Variants in PTPRN2 observed in about 807,000 individuals in gnomAD.
PTPRN2 encodes protein tyrosine phosphatase receptor type N2.
PTPRN2 carries 74 observed loss-of-function variants against 118.8 expected under a neutral mutation model. That is an observed-to-expected ratio of 0.62 (90% CI 0.52 to 0.76). The LOEUF is 0.76. Among genes scored for constraint, PTPRN2 ranks in the 30% least tolerant of loss-of-function variants. The pLI is 0.00. For synonymous variants in PTPRN2, 641 were observed against 608.0 expected, an observed-to-expected ratio of 1.05 and a Z score of -0.80; for missense variants, 1,481 against 1,394.4, an observed-to-expected ratio of 1.06 and a Z score of -0.99.
chr7:157,788,384 A>G (rs2151069507), intron 12 of PTPRN2, among the ~76,000 whole-genome samples: 2 of 151,728 alleles, frequency 1.3e-5, no homozygotes, highest in Admixed American at 1.3e-4. Flanking sequence ...CAAAAAAAAA[A>G]AAAAAAAAGA....
intron 2 of PTPRN2, among the ~76,000 whole-genome samples, chr7:158,382,594 C>A (rs538452584): frequency 1.3e-5 from 2 of 152,174 alleles, no homozygotes; most frequent in African/African-American, 2.4e-5. Context: ...AGCAGGTGTG[C>A]GAGCATTCCC....
chr7:157,868,616 G>A lies in PTPRN2; in HGVS notation c.1788+30057C>T, dbSNP rs180724593. 914 of 152,308 alleles carry A rather than the reference G, an allele frequency of 6.0e-3. 5 individuals are homozygous for A. The highest frequency in any genetic ancestry group is 6.0e-3 in the Non-Finnish European group (409 of 68,030). The allele number at this position is 152,308 out of a possible 1,614,324, so 9.4% of individuals were successfully genotyped here. ...GGTGCAGCCCATTTCCCAGCCTGAGGACTGGCCGGGGAAATAACTCTGAGC... is the reference window on the plus strand; with the variant it reads ...GGTGCAGCCCATTTCCCAGCCTGAGAACTGGCCGGGGAAATAACTCTGAGC... On this transcript the variant is annotated intron_variant, in intron 12 of 22. Transcript: ENST00000389418. The surrounding 1 kb of genome is among the most constrained non-coding windows in gnomAD (Gnocchi z 5.2).
intron 12 of PTPRN2, among the ~76,000 whole-genome samples, chr7:157,699,732 T>C (rs544741983): frequency 6.6e-6 from 1 of 152,268 alleles, no homozygotes; most frequent in East Asian, 1.9e-4. Context: ...CCCTGCCCAG[T>C]TGCTTTTCAT....
intron 2 of PTPRN2, among the ~76,000 whole-genome samples, chr7:158,444,393 G>A (rs1306621263): frequency 6.6e-6 from 1 of 152,264 alleles, no homozygotes; most frequent in Non-Finnish European, 1.5e-5. Context: ...CACGGCCAGT[G>A]TTTGTTTCTC....
At position 157,785,423 on chromosome 7, in the gene PTPRN2, T is replaced by C. The variant is rs73504475; in HGVS notation, c.1789-102486A>G. ...ATGAAAGGGGGTGGTGGAAAAGGCC[T>C]TGGAGCCTGGGGCAGGGCTCAGAGG... On this transcript the variant is annotated intron_variant, in intron 12 of 22. Transcript: ENST00000389418. This position sits in a 1 kb window ranked among gnomAD's most constrained non-coding sequence, Gnocchi z 7.3. Among the ~76,000 whole-genome samples the C allele has an allele frequency of 0.013, 1,984 of 152,250 alleles. 40 individuals are homozygous for C. Among genetic ancestry groups the C allele is most frequent in the African/African-American group, 0.045 (1,857 of 41,560 alleles).
At chr7:158,520,993 C>G (rs1823946522) in intron 1 of PTPRN2, among the ~76,000 whole-genome samples, 1 of 152,192 alleles carries the variant, frequency 6.6e-6, no homozygotes, top group Non-Finnish European at 1.5e-5. Flanking sequence ...GAGATTTCAG[C>G]CACGTCCCTC....
chr7:157,712,121 G>A (rs1040972755), intron 12 of PTPRN2, among the ~76,000 whole-genome samples: 1 of 150,620 alleles, frequency 6.6e-6, no homozygotes, highest in Non-Finnish European at 1.5e-5. Context: ...GTCGTGGAAG[G>A]GGGGCTGGGT....
chr7:157,996,109 G>A (rs1804710715), intron 11 of PTPRN2, among the ~76,000 whole-genome samples: 2 of 152,224 alleles, frequency 1.3e-5, no homozygotes. Context: ...CATAAAAAAG[G>A]ATGAAATCCT....
chr7:158,586,643 C>T (rs1022661086), intron 1 of PTPRN2, among the ~76,000 whole-genome samples: 2 of 152,230 alleles, frequency 1.3e-5, no homozygotes, highest in Non-Finnish European at 2.9e-5. Context: ...GGGGCGTCCG[C>T]CTGGGAAAGC....
chr7:158,569,257 G>A (rs909178906), intron 1 of PTPRN2, among the ~76,000 whole-genome samples: 2 of 152,184 alleles, frequency 1.3e-5, no homozygotes, highest in Admixed American at 1.3e-4. Context: ...TGCCCTGGAG[G>A]CTCCTGGCCC....
intron 3 of PTPRN2, among the ~76,000 whole-genome samples, chr7:158,300,152 A>C (rs1800781872): frequency 1.3e-5 from 2 of 152,324 alleles, no homozygotes; most frequent in South Asian, 2.1e-4. Flanking sequence ...ATATGGGTCA[A>C]TGAAGAAGCA....
At chr7:158,388,328 C>T (rs532203079) in intron 2 of PTPRN2, among the ~76,000 whole-genome samples, 3 of 152,212 alleles carry the variant, frequency 2.0e-5, no homozygotes, top group East Asian at 3.9e-4. Flanking sequence ...ACCACCCCCC[C>T]ATGAGGGCCA....
At chr7:158,262,622 T>C (rs990919441) in intron 3 of PTPRN2, among the ~76,000 whole-genome samples, 3 of 114,512 alleles carry the variant, frequency 2.6e-5, no homozygotes, top group Non-Finnish European at 3.7e-5. Context: ...CACACACACA[T>C]ACATTCACAC....
At chr7:157,949,407 T>C (rs1007972856) in intron 11 of PTPRN2, among the ~76,000 whole-genome samples, 7 of 152,244 alleles carry the variant, frequency 4.6e-5, no homozygotes, top group Non-Finnish European at 8.8e-5. Flanking sequence ...CTATTCCCTA[T>C]TTATTTGCCT....
At chr7:157,899,876 G>T (rs577602003) in intron 11 of PTPRN2, among the ~76,000 whole-genome samples, 1 of 152,334 alleles carries the variant, frequency 6.6e-6, no homozygotes, top group South Asian at 2.1e-4. Context: ...TTATGATGGG[G>T]TAGAGCCCCA....
chr7:158,019,827 C>G (rs910043332), intron 11 of PTPRN2, among the ~76,000 whole-genome samples: 4 of 152,224 alleles, frequency 2.6e-5, no homozygotes, highest in African/African-American at 9.6e-5. Context: ...GAGGCCACAG[C>G]TCGGCCTTGG....
chr7:158,056,408 C>T (rs1003477462), intron 11 of PTPRN2, among the ~76,000 whole-genome samples: 8 of 152,250 alleles, frequency 5.3e-5, no homozygotes, highest in South Asian at 2.1e-4. Flanking sequence ...GTGCTCTCTC[C>T]GTCCTCCCAT....
At chr7:158,366,547 C>T (rs1209909419) in intron 2 of PTPRN2, among the ~76,000 whole-genome samples, 4 of 152,224 alleles carry the variant, frequency 2.6e-5, no homozygotes, top group Non-Finnish European at 5.9e-5. Flanking sequence ...AATGAGGAAT[C>T]GCCATGGCAA....
At chr7:158,286,018 C>T (rs191077899) in intron 3 of PTPRN2, among the ~76,000 whole-genome samples, 1 of 152,308 alleles carries the variant, frequency 6.6e-6, no homozygotes, top group Admixed American at 6.5e-5. Context: ...CGAGAATGAA[C>T]ATTTATCAAC....
Sources: allele counts gnomAD v4.1 joint callset (sites outside exome capture counted in the v4.1 genomes callset), GRCh38; gene constraint gnomAD v4.1.1; non-coding constraint Gnocchi (gnomAD v3.1); transcripts MANE v1.5; gene names NCBI Gene and HGNC (gene_info 2026-07-23, HGNC 2026-07-21).